ERMARD: variants seen among roughly 807,000 people sequenced by gnomAD.
ERMARD encodes the protein endoplasmic reticulum membrane-associated RNA degradation protein.
A neutral mutation model predicts 83.9 loss-of-function variants in ERMARD; 71 were observed. The ratio of observed to expected loss-of-function variants is 0.85; its 90% CI spans 0.70 to 1.03. The LOEUF is 1.03. Ranked by LOEUF, ERMARD falls within the 50% of genes least tolerant of loss-of-function variation. The pLI, the probability that ERMARD is intolerant of heterozygous loss-of-function variation, is 0.00. For synonymous variants in ERMARD, 284 were observed against 298.6 expected (o/e 0.95, Z 0.50); for missense variants, 838 against 810.9 (o/e 1.03, Z -0.41).
chr6:169,758,999 C>T lies in ERMARD; in HGVS notation c.539C>T (p.Pro180Leu), dbSNP rs146333454. 35 of 1,613,760 alleles carry T rather than the reference C, an allele frequency of 2.2e-5. No homozygotes were observed. Among genetic ancestry groups the T allele is most frequent in the Non-Finnish European group, 2.5e-5 (29 of 1,179,916 alleles). The change falls in exon 6 of 18, where the codon CCG becomes CTG. Residue 180 changes from proline (P) to leucine (L), a missense_variant. Physicochemically the swap from Pro to Leu is moderately conservative, Grantham distance 98. Coordinates refer to ENST00000366773, the MANE Select transcript of ERMARD (RefSeq NM_018341.3). ...GTGCTAAAAGTCTTCGTTGGCTCTC[C>T]GTGTGGTCTCAACCTGCGTAACGTC... Reference protein sequence around the residue: ...MNVLKVFVGSPCGLNLRNVLW... With the variant: ...MNVLKVFVGSLCGLNLRNVLW...
chr6:169,765,381 T>C (rs1792071127), intron 9 of ERMARD, among the ~76,000 whole-genome samples: 3 of 152,254 alleles, frequency 2.0e-5, no homozygotes, highest in Admixed American at 2.0e-4. Flanking sequence ...TATTATTTAC[T>C]GATTACTTTT....
chr6:169,759,569 G>A (rs1241377968), intron 6 of ERMARD, among the ~76,000 whole-genome samples: 3 of 152,002 alleles, frequency 2.0e-5, no homozygotes, highest in Non-Finnish European at 2.9e-5. Flanking sequence ...ACAGGCACAC[G>A]CCACTATGCC....
chr6:169,770,370 CTG>C (rs1360351469), intron 12 of ERMARD: 3 of 152,114 alleles, frequency 2.0e-5, no homozygotes, highest in Non-Finnish European at 4.4e-5. Flanking sequence ...TTTTCATCAA[CTG>C]TGTTTTTGGC....
rs1204826380 is a variant in ERMARD at position 169,779,189 on chromosome 6, C to T, written c.1747C>T (p.Leu583=). Residue 583 remains leucine, a synonymous_variant, in exon 17 of 18, where the codon CTA becomes TTA. Transcript: ENST00000366773. ...ACTTTTATCTGTTTTTAGTATCAGA[C>T]TACTGTCCCCTGTGCTCAGCCTGAT... ...NYLRMWSSIR[L]LSPVLSLILL... is the part of the protein sequence containing the mutation. 4.3e-6 allele frequency: 7 copies of T among 1,613,582 alleles called. No homozygotes were observed. The highest frequency in any genetic ancestry group is 1.7e-5 in the Admixed American group (1 of 60,004).
chr6:169,751,379 G>A (rs1189673596), upstream of ERMARD: 1 of 1,614,140 alleles, frequency 6.2e-7, no homozygotes, highest in Non-Finnish European at 8.5e-7. Context: ...TTCTTTCCTA[G>A]GCGTCACCGG....
At chr6:169,760,053 A>C (rs939184723) in intron 7 of ERMARD, 79 bp downstream of exon 7, 3 of 1,582,380 alleles carry the variant, frequency 1.9e-6, no homozygotes, top group Non-Finnish European at 1.7e-6. Context: ...TAAGAGGTGC[A>C]CTCTTGAGGT....
Position 169,781,257 on chromosome 6 carries a change from T to A in ERMARD, c.1854-73T>A, listed in dbSNP as rs1223557357. 6 of 1,347,060 alleles carry A rather than the reference T, an allele frequency of 4.5e-6. No individual in the cohort carries two copies. In the Admixed American group the frequency reaches 1.8e-4, roughly 41 times the overall value. 83.4% of individuals were successfully genotyped at this position (1,347,060 alleles called of 1,614,324 possible). Reference sequence around the variant, plus strand: ...TTTACTTTAGGAATAATTCCAAGAATGAAGTGAAGACATTTAATTCATTGT... The same window carrying A: ...TTTACTTTAGGAATAATTCCAAGAAAGAAGTGAAGACATTTAATTCATTGT... On this transcript the variant is annotated intron_variant, in intron 17 of 17. Transcript: ENST00000366773.
intron 1 of ERMARD, chr6:169,751,988 G>T (rs896822583): frequency 2.5e-6 from 1 of 405,412 alleles, no homozygotes; most frequent in Non-Finnish European, 4.3e-6. Context: ...CGCAGGTCGG[G>T]CTCTCACCTG....
At position 169,757,628 on chromosome 6, in the gene ERMARD, A is replaced by G. The variant is rs1790982855; in HGVS notation, c.507+820A>G. Among the ~76,000 whole-genome samples, 3 of 152,340 alleles carry G rather than the reference A, an allele frequency of 2.0e-5. No homozygotes were observed. In the South Asian group the frequency reaches 6.2e-4, roughly 32 times the overall value. ...GCACATGATCAAGAGACTTAGGACTAATGAATAACCTTAGGCAGCTGATTG... is the reference window on the plus strand; with the variant it reads ...GCACATGATCAAGAGACTTAGGACTGATGAATAACCTTAGGCAGCTGATTG... On this transcript the variant is annotated intron_variant, in intron 5 of 17. Transcript: ENST00000366773.
intron 8 of ERMARD, among the ~76,000 whole-genome samples, chr6:169,761,222 T>C (rs1467530425): frequency 6.6e-6 from 1 of 152,170 alleles, no homozygotes; most frequent in African/African-American, 2.4e-5. Flanking sequence ...TGCATTTTTG[T>C]TTTTTTCTTT....
At chr6:169,764,243 CT>C (rs897816975) in intron 9 of ERMARD, among the ~76,000 whole-genome samples, 5 of 149,990 alleles carry the variant, frequency 3.3e-5, no homozygotes, top group African/African-American at 9.8e-5. Context: ...CCTGCTGATT[CT>C]TTTTTTTAGT....
chr6:169,761,844 G>A (rs1040869715), intron 8 of ERMARD, among the ~76,000 whole-genome samples: 14 of 151,954 alleles, frequency 9.2e-5, no homozygotes, highest in Admixed American at 2.6e-4. Flanking sequence ...CACCACGCCT[G>A]GCTGATTTTT....
intron 8 of ERMARD, 52 bp downstream of exon 8, chr6:169,760,808 T>C (rs745939193): frequency 1.6e-6 from 2 of 1,225,238 alleles, no homozygotes; most frequent in Non-Finnish European, 2.4e-6. Flanking sequence ...AGGCCATTCT[T>C]TCTTGATGCC....
chr6:169,752,601 C>T (rs1790272299), intron 1 of ERMARD, among the ~76,000 whole-genome samples: 1 of 152,164 alleles, frequency 6.6e-6, no homozygotes, highest in African/African-American at 2.4e-5. Flanking sequence ...CTTCTGGGTG[C>T]AGGAGGAGCA....
At chr6:169,776,315 G>T in intron 15 of ERMARD, 140 bp from the exon 16 acceptor site, 1 of 1,552,140 alleles carries the variant, frequency 6.4e-7, no homozygotes, top group Non-Finnish European at 8.7e-7. Flanking sequence ...CTTGCCGCGT[G>T]TCACGGTTGT....
At chr6:169,756,659 T>C in intron 4 of ERMARD, 60 bp from the exon 5 acceptor site, 1 of 1,420,564 alleles carries the variant, frequency 7.0e-7, no homozygotes, top group Non-Finnish European at 9.9e-7. Flanking sequence ...TCATGGATAA[T>C]GTTTTTAATG....
chr6:169,757,721 C>T (rs1316256360), intron 5 of ERMARD, among the ~76,000 whole-genome samples: 2 of 152,172 alleles, frequency 1.3e-5, no homozygotes, highest in Non-Finnish European at 2.9e-5. Context: ...AGCCAGGGTG[C>T]TAGATGATTT....
chr6:169,753,895 T>C lies in ERMARD; in HGVS notation c.38T>C (p.Leu13Pro), dbSNP rs1790469247. The change falls in exon 2 of 18, where the codon CTT becomes CCT. Residue 13 changes from leucine (L) to proline (P), a missense_variant. Leu to Pro is a moderately conservative substitution (Grantham distance 98). Coordinates refer to ENST00000366773, the MANE Select transcript of ERMARD (RefSeq NM_018341.3). ...ATAGGGGACCCTATTACCACATGTC[T>C]TTCTCCCTCAGTGTATGATATAATT... ...VLIGDPITTC[L>P]SPSVYDIICN... 1.9e-6 allele frequency: 3 copies of C among 1,606,426 alleles called. No individual in the cohort carries two copies. The highest frequency in any genetic ancestry group is 1.1e-5 in the South Asian group (1 of 90,118).
chr6:169,751,501 C>A (rs1371020823), upstream of ERMARD: 2 of 1,611,266 alleles, frequency 1.2e-6, no homozygotes, highest in South Asian at 2.2e-5. Flanking sequence ...CCCTTCACCG[C>A]CGGCGGTCAA....
Sources: gnomAD v4.1 joint callset for allele counts (sites outside exome capture counted in the v4.1 genomes callset) on GRCh38, gnomAD v4.1.1 for gene constraint, MANE v1.5 for transcripts, NCBI Gene and HGNC (gene_info 2026-07-23, HGNC 2026-07-21) for gene names.